The following TMEM244 variants were observed in gnomAD, a reference collection of about 807,000 sequenced individuals.
TMEM244 encodes putative transmembrane protein 244.
In TMEM244, 13 loss-of-function variants were observed where a neutral mutation model predicts 15.8. The ratio of observed to expected loss-of-function variants is 0.82; its 90% CI spans 0.53 to 1.30. The LOEUF (loss-of-function observed/expected upper bound fraction) is 1.30, where lower values mean the gene tolerates loss of function less well. TMEM244 is among the 50% of genes most tolerant of loss of function. The probability of loss-of-function intolerance (pLI) is 0.00; values close to 1 mark genes in which losing one functional copy is unlikely to be tolerated. For missense variants in TMEM244, 161 were observed against 144.9 expected (o/e 1.11, Z -0.57); for synonymous variants, 45 against 48.7 (o/e 0.92, Z 0.32).
At chr6:129,843,306 A>G (rs1776516360) in intron 3 of TMEM244, among the ~76,000 whole-genome samples, 1 of 152,122 alleles carries the variant, frequency 6.6e-6, no homozygotes, top group Admixed American at 6.5e-5. Flanking sequence ...TTTATATAGG[A>G]ATTCTCATTC....
At chr6:129,861,094 T>C in intron 1 of TMEM244, 62 bp downstream of exon 1, 1 of 1,581,564 alleles carries the variant, frequency 6.3e-7, no homozygotes, top group Non-Finnish European at 8.7e-7. Context: ...ATAGAACATA[T>C]TCATTTACAC....
At chr6:129,838,567 A>G (rs1313690751) in intron 3 of TMEM244, among the ~76,000 whole-genome samples, 1 of 152,212 alleles carries the variant, frequency 6.6e-6, no homozygotes, top group Non-Finnish European at 1.5e-5. Context: ...GCAGAAGGCA[A>G]GAAATAACCA....
intron 1 of TMEM244, among the ~76,000 whole-genome samples, chr6:129,853,631 C>T (rs1373827487): frequency 6.6e-6 from 1 of 151,934 alleles, no homozygotes; most frequent in Non-Finnish European, 1.5e-5. Context: ...ATTTTGATAC[C>T]AGCCTTCCTT....
At chr6:129,832,742 C>A (rs1399799030) in intron 4 of TMEM244, among the ~76,000 whole-genome samples, 1 of 152,112 alleles carries the variant, frequency 6.6e-6, no homozygotes, top group African/African-American at 2.4e-5. Context: ...GTGACTTGTC[C>A]ACAACTACCC....
At chr6:129,858,490 A>G (rs985503808) in intron 1 of TMEM244, among the ~76,000 whole-genome samples, 2 of 152,136 alleles carry the variant, frequency 1.3e-5, no homozygotes, top group African/African-American at 4.8e-5. Flanking sequence ...TGGCTCATAT[A>G]TCATCTTCTC....
chr6:129,843,673 C>T (rs1407477518), intron 2 of TMEM244, 70 bp from the exon 3 acceptor site: 7 of 1,110,426 alleles, frequency 6.3e-6, no homozygotes, highest in Non-Finnish European at 9.5e-6. Flanking sequence ...CAAAGTGACA[C>T]ACGTTACTAT....
At chr6:129,832,663 T>C (rs561242801) in intron 4 of TMEM244, among the ~76,000 whole-genome samples, 1 of 152,252 alleles carries the variant, frequency 6.6e-6, no homozygotes, top group South Asian at 2.1e-4. Flanking sequence ...TCGGACAATT[T>C]CTCATTATCT....
At chr6:129,857,854 A>G (rs754452951) in intron 1 of TMEM244, among the ~76,000 whole-genome samples, 7 of 149,980 alleles carry the variant, frequency 4.7e-5, no homozygotes, top group East Asian at 1.9e-4. Flanking sequence ...ATATATATGT[A>G]TATATATATA....
At chr6:129,855,082 C>T (rs1280867534) in intron 1 of TMEM244, among the ~76,000 whole-genome samples, 1 of 152,162 alleles carries the variant, frequency 6.6e-6, no homozygotes, top group Non-Finnish European at 1.5e-5. Flanking sequence ...GAAACCTAGG[C>T]CTGTCCTAGT....
At chr6:129,855,828 A>G (rs1196762167) in intron 1 of TMEM244, among the ~76,000 whole-genome samples, 1 of 152,076 alleles carries the variant, frequency 6.6e-6, no homozygotes. Flanking sequence ...ATCTATTTTC[A>G]TTGCACTGTT....
intron 1 of TMEM244, among the ~76,000 whole-genome samples, chr6:129,847,775 CTTTT>C (rs34238013): frequency 7.3e-6 from 1 of 137,486 alleles, no homozygotes. Context: ...TTTCTTTTTT[CTTTT>C]TTTTTTTTTT....
intron 3 of TMEM244, among the ~76,000 whole-genome samples, chr6:129,843,060 T>G (rs908805753): frequency 1.3e-5 from 2 of 152,060 alleles, no homozygotes; most frequent in Non-Finnish European, 2.9e-5. Flanking sequence ...TTCTCTGTCA[T>G]CCCAGATGGG....
chr6:129,833,561 G>T lies in TMEM244; in HGVS notation c.218C>A (p.Thr73Asn). Reference sequence around the variant, plus strand: ...AAAAAACAATCCACAAACAAAGTAGGTGACCTCTGTTGAAACTAAAAGAAC... The same window carrying T: ...AAAAAACAATCCACAAACAAAGTAGTTGACCTCTGTTGAAACTAAAAGAAC... ...YKVLLVSTEVTYFVCGLFFVP... is the reference protein window; with the variant it reads ...YKVLLVSTEVNYFVCGLFFVP... The change falls in exon 4 of 5, where the codon ACC becomes AAC. Residue 73 changes from threonine (T) to asparagine (N), a missense_variant. Coordinates refer to ENST00000368143, the MANE Select transcript of TMEM244 (RefSeq NM_001010876.2). The T allele has an allele frequency of 6.2e-7, 1 of 1,612,400 alleles. No homozygotes were observed.
At chr6:129,832,051 T>C (rs1212410148) in intron 4 of TMEM244, among the ~76,000 whole-genome samples, 1 of 151,912 alleles carries the variant, frequency 6.6e-6, no homozygotes, top group Non-Finnish European at 1.5e-5. Context: ...AAGTTGTAGT[T>C]CATTTGGAAA....
chr6:129,841,983 A>T (rs1163082034), intron 3 of TMEM244, among the ~76,000 whole-genome samples: 1 of 152,162 alleles, frequency 6.6e-6, no homozygotes, highest in Non-Finnish European at 1.5e-5. Flanking sequence ...AAAATTAAAG[A>T]TCTAATACGC....
intron 1 of TMEM244, among the ~76,000 whole-genome samples, chr6:129,860,773 C>T (rs1042394287): frequency 2.0e-5 from 3 of 149,950 alleles, no homozygotes; most frequent in African/African-American, 7.4e-5. Context: ...TAAAATTTTG[C>T]GCACCCTTTA....
intron 3 of TMEM244, among the ~76,000 whole-genome samples, chr6:129,834,610 G>T (rs1475355739): frequency 6.6e-6 from 1 of 152,114 alleles, no homozygotes; most frequent in East Asian, 1.9e-4. Context: ...GCATGCCCCA[G>T]GTGCAATCTT....
chr6:129,857,372 T>C (rs1405540659), intron 1 of TMEM244, among the ~76,000 whole-genome samples: 1 of 151,888 alleles, frequency 6.6e-6, no homozygotes, highest in Non-Finnish European at 1.5e-5. Context: ...ATTATTTTTT[T>C]TGAGATGGAG....
intron 2 of TMEM244, among the ~76,000 whole-genome samples, chr6:129,844,106 A>C (rs747304853): frequency 6.6e-5 from 10 of 152,298 alleles, no homozygotes; most frequent in Middle Eastern, 3.4e-3. Flanking sequence ...AAAAAGTTAC[A>C]AAATGACACC....
Sources: gnomAD v4.1 joint callset for allele counts (sites outside exome capture counted in the v4.1 genomes callset) on GRCh38, gnomAD v4.1.1 for gene constraint, MANE v1.5 for transcripts, NCBI Gene and HGNC (gene_info 2026-07-23, HGNC 2026-07-21) for gene names.